Variants in TEX10 observed in about 807,000 individuals in gnomAD.
TEX10 encodes the protein testis expressed 10, also known as testis-expressed protein 10.
TEX10 carries 24 observed loss-of-function variants against 104.4 expected under a neutral mutation model. That is an observed-to-expected ratio of 0.23 (90% confidence interval 0.17 to 0.32). TEX10 has a LOEUF of 0.32. Among genes scored for constraint, TEX10 ranks in the 10% least tolerant of loss-of-function variants. The pLI is 1.00. For synonymous variants in TEX10, 396 were observed against 393.4 expected, an observed-to-expected ratio of 1.01 and a Z score of -0.08; for missense variants, 921 against 1,083.9, an observed-to-expected ratio of 0.85 and a Z score of 2.11.
chr9:100,352,328 T>A lies in TEX10; in HGVS notation c.-10+444A>T, dbSNP rs1021478412. ...TAGTCCCCTTCCGCTCGCTTAACTC[T>A]CCCGCCTGGGCGACCAGAGGACGGA... is the stretch of plus-strand genomic sequence containing the variant. On this transcript the variant is annotated intron_variant, in intron 1 of 14. Coordinates refer to ENST00000374902, the MANE Select transcript of TEX10 (RefSeq NM_017746.4). The A allele has an allele frequency of 5.2e-6, 8 of 1,548,150 alleles. No homozygotes were observed. The African/African-American group carries it at 1.1e-4, about 21-fold the overall frequency.
At chr9:100,313,522 A>G (rs1490081289) in intron 11 of TEX10, among the ~76,000 whole-genome samples, 1 of 151,540 alleles carries the variant, frequency 6.6e-6, no homozygotes, top group Non-Finnish European at 1.5e-5. Flanking sequence ...TCAAAAAAAA[A>G]AAAAAGAAAA....
intron 10 of TEX10, 94 bp from the exon 11 acceptor site, chr9:100,320,492 G>T (rs968657983): frequency 1.5e-6 from 2 of 1,346,132 alleles, no homozygotes; most frequent in African/African-American, 1.5e-5. Context: ...GCCTTCAAGT[G>T]AACATTCTTT....
Position 100,305,853 on chromosome 9 carries a change from T to C in TEX10, c.2466-2011A>G, listed in dbSNP as rs555557015. ...ATGGGAAGCCAGGAAAATGCAAATGTCAAACTATCCTACAGGGAAGTCTCT... is the reference window on the plus strand; with the variant it reads ...ATGGGAAGCCAGGAAAATGCAAATGCCAAACTATCCTACAGGGAAGTCTCT... On this transcript the variant is annotated intron_variant, in intron 13 of 14. Coordinates refer to ENST00000374902, the MANE Select transcript of TEX10 (RefSeq NM_017746.4). 7 of 152,294 alleles carry C rather than the reference T, an allele frequency of 4.6e-5. No individual in the cohort carries two copies. The South Asian group carries it at 8.3e-4, about 18-fold the overall frequency. 9.4% of individuals were successfully genotyped at this position (152,294 alleles called of 1,614,324 possible).
At chr9:100,346,340 A>T in intron 3 of TEX10, 25 bp from the exon 4 acceptor site, 1 of 1,575,728 alleles carries the variant, frequency 6.3e-7, no homozygotes, top group Non-Finnish European at 8.6e-7. Flanking sequence ...AAAGAAAAAA[A>T]TTAAGTGATT....
At chr9:100,349,104 G>C in intron 2 of TEX10, 80 bp downstream of exon 2, 1 of 1,259,004 alleles carries the variant, frequency 7.9e-7, no homozygotes, top group Non-Finnish European at 1.1e-6. Context: ...TAAGAGTTTA[G>C]ACAAATTTTC....
At chr9:100,310,509 G>C in intron 11 of TEX10, 130 bp from the exon 12 acceptor site, 1 of 790,244 alleles carries the variant, frequency 1.3e-6, no homozygotes, top group Non-Finnish European at 2.0e-6. Flanking sequence ...TGCAGTCTCA[G>C]CTCACCGCAA....
intron 11 of TEX10, among the ~76,000 whole-genome samples, chr9:100,313,332 T>A (rs1834326055): frequency 6.6e-6 from 1 of 151,618 alleles, no homozygotes; most frequent in Admixed American, 6.6e-5. Flanking sequence ...CTGGTCAACA[T>A]GGTGAAACCC....
chr9:100,308,828 A>G (rs1262417393), intron 12 of TEX10, 147 bp from the exon 13 acceptor site: 5 of 608,028 alleles, frequency 8.2e-6, no homozygotes, highest in Non-Finnish European at 1.3e-5. Context: ...GCCACACCTT[A>G]AGGTCCTGTT....
intron 9 of TEX10, among the ~76,000 whole-genome samples, chr9:100,323,439 C>T (rs538442272): frequency 1.4e-4 from 21 of 152,130 alleles, no homozygotes; most frequent in East Asian, 3.8e-4. Flanking sequence ...CCTAACACCA[C>T]GGAGCATCTT....
At chr9:100,342,721 C>G (rs922267161) in intron 4 of TEX10, among the ~76,000 whole-genome samples, 2 of 152,108 alleles carry the variant, frequency 1.3e-5, no homozygotes, top group African/African-American at 2.4e-5. Context: ...AAGTAGCAAG[C>G]AAGTCAAGCA....
rs1447882011 is a variant in TEX10 at position 100,349,243 on chromosome 9, G to A, written c.121C>T (p.Pro41Ser). The part of the protein sequence containing the change: ...TNFKTKTIHL[P>S]EQLKEDGTLP... ...GTTCCATCCTCTTTGAGTTGCTCAG[G>A]CAGATGTATAGTCTTTGTTTTAAAG... The change falls in exon 2 of 15, where the codon CCT becomes TCT. Residue 41 changes from proline (P) to serine (S), a missense_variant. Physicochemically the swap from Pro to Ser is moderately conservative, Grantham distance 74 (BLOSUM62 -1). Around this residue, in one of 3 missense-constraint regions of TEX10, gnomAD observed 118 missense variants for 111.3 expected, o/e 1.06. Transcript: ENST00000374902. The A allele has an allele frequency of 1.9e-6, 3 of 1,596,016 alleles. No individual in the cohort carries two copies. Among genetic ancestry groups the A allele is most frequent in the Admixed American group, 3.5e-5 (2 of 56,592 alleles).
intron 5 of TEX10, among the ~76,000 whole-genome samples, chr9:100,332,459 T>C (rs1201306197): frequency 6.6e-6 from 1 of 152,148 alleles, no homozygotes; most frequent in African/African-American, 2.4e-5. Flanking sequence ...CAACCAACAA[T>C]TCTAGGAGGA....
chr9:100,325,453 CAAAGCTGCAGTGAGCT>C (rs1834681899), intron 9 of TEX10, among the ~76,000 whole-genome samples: 1 of 152,202 alleles, frequency 6.6e-6, no homozygotes, highest in Non-Finnish European at 1.5e-5. Context: ...CCCAAGAGTT[CAAAGCTGCAGTGAGCT>C]ATGATCATGC....
At chr9:100,319,634 G>A (rs1040721339) in intron 11 of TEX10, among the ~76,000 whole-genome samples, 6 of 151,536 alleles carry the variant, frequency 4.0e-5, no homozygotes, top group East Asian at 2.0e-4. Context: ...GTAAAACCCC[G>A]TCTCTACTAA....
chr9:100,302,212 A>G lies in TEX10; in HGVS notation c.2769T>C (p.Ser923=), dbSNP rs886703262. The G allele has an allele frequency of 6.2e-7, 1 of 1,611,872 alleles. No individual in the cohort carries two copies. The highest frequency in any genetic ancestry group is 8.5e-7 in the Non-Finnish European group (1 of 1,178,548). Reference sequence around the variant, plus strand: ...CTCTTCAATACACTGTAGCCAGTGCACTGGGCCCTTGGGGATGCCCAGTGA... The same window carrying G: ...CTCTTCAATACACTGTAGCCAGTGCGCTGGGCCCTTGGGGATGCCCAGTGA... ...VYITGHPQGP[S]ALATVY The change falls in exon 15 of 15, where the codon AGT becomes AGC. Residue 923 remains serine (S), a synonymous_variant. Transcript: ENST00000374902.
At chr9:100,324,610 C>T (rs1373810054) in intron 9 of TEX10, among the ~76,000 whole-genome samples, 3 of 151,958 alleles carry the variant, frequency 2.0e-5, no homozygotes, top group South Asian at 2.1e-4. Context: ...CGCCACTCAT[C>T]GCCACAAAAA....
chr9:100,340,987 G>A (rs1835157225), intron 4 of TEX10, among the ~76,000 whole-genome samples: 1 of 151,466 alleles, frequency 6.6e-6, no homozygotes, highest in Non-Finnish European at 1.5e-5. Flanking sequence ...TTTTTTTTGA[G>A]ATGAAGTCTC....
chr9:100,302,251 G>A lies in TEX10; in HGVS notation c.2730C>T (p.Cys910=), dbSNP rs1834001106. ...GATGCCCAGTGATATACACGTTGAA[G>A]CAGTAATGTAAGTCTGTGAGCCACT... The part of the protein sequence containing the change: ...QEQWLTDLHY[C]FNVYITGHPQ... The change falls in exon 15 of 15, where the codon TGC becomes TGT. Residue 910 remains cysteine (C), a synonymous_variant. Coordinates refer to ENST00000374902, the MANE Select transcript of TEX10 (RefSeq NM_017746.4). The A allele has an allele frequency of 6.2e-7, 1 of 1,613,732 alleles. No individual in the cohort carries two copies.
intron 7 of TEX10, 118 bp from the exon 8 acceptor site, chr9:100,328,080 A>T (rs1199843310): frequency 1.6e-5 from 11 of 694,260 alleles, no homozygotes; most frequent in Non-Finnish European, 2.3e-5. Flanking sequence ...TTATGTATCA[A>T]TAATACCACA....
Sources: allele counts gnomAD v4.1 joint callset (sites outside exome capture counted in the v4.1 genomes callset), GRCh38; gene constraint gnomAD v4.1.1; regional missense constraint gnomAD v4.1.1; transcripts MANE v1.5; gene names NCBI Gene and HGNC (gene_info 2026-07-23, HGNC 2026-07-21).